The following HRAS variants were observed in gnomAD, a reference collection of about 807,000 sequenced individuals.
HRAS encodes the protein HRas proto-oncogene, GTPase, also known as GTPase HRas.
Under a neutral mutation model 19.8 loss-of-function variants are expected in HRAS, and 11 were observed. The ratio of observed to expected loss-of-function variants is 0.55; its 90% CI spans 0.35 to 0.92. The LOEUF (loss-of-function observed/expected upper bound fraction) is 0.92. Ranked by LOEUF, HRAS falls within the 40% of genes least tolerant of loss-of-function variation. HRAS has a pLI of 0.01. For missense variants in HRAS, 204 were observed against 255.9 expected (o/e 0.80, Z 1.38); for synonymous variants, 149 against 105.5 (o/e 1.41, Z -2.52).
intron 2 of HRAS, 111 bp from the exon 3 acceptor site, chr11:534,055 G>C: frequency 1.5e-6 from 2 of 1,314,562 alleles, no homozygotes; most frequent in Non-Finnish European, 2.2e-6. Context: ...TCCTCTCCTG[G>C]GGTGCTGAGA....
chr11:533,260 C>G, intron 4 of HRAS, 193 bp downstream of exon 4: 1 of 1,564,220 alleles, frequency 6.4e-7, no homozygotes, highest in Non-Finnish European at 8.6e-7. Flanking sequence ...ACTGCCCTGC[C>G]GTCCCGGGAG....
chr11:534,816 T>C (rs1401099842), intron 1 of HRAS, among the ~76,000 whole-genome samples: 1 of 152,072 alleles, frequency 6.6e-6, no homozygotes, highest in African/African-American at 2.4e-5. Context: ...CGACAAGTAT[T>C]TGCTGAGCGC....
chr11:535,092 G>GCCT (rs1851386647), intron 1 of HRAS, among the ~76,000 whole-genome samples: 1 of 151,920 alleles, frequency 6.6e-6, no homozygotes, highest in Non-Finnish European at 1.5e-5. Flanking sequence ...GGCCGCGGCC[G>GCCT]CCTCCTCCCA....
At chr11:534,825 G>A (rs944788608) in intron 1 of HRAS, among the ~76,000 whole-genome samples, 2 of 152,200 alleles carry the variant, frequency 1.3e-5, no homozygotes, top group African/African-American at 2.4e-5. Flanking sequence ...TTTGCTGAGC[G>A]CCTACTGCGT....
At position 534,807 on chromosome 11, in the gene HRAS, G is replaced by A. The variant is rs1328552336; in HGVS notation, c.-53-432C>T. ...CAGGCCCCGCGGCGCTGGTGCCTCC[G>A]ACAAGTATTTGCTGAGCGCCTACTG... On this transcript the variant is annotated intron_variant, in intron 1 of 5. Coordinates refer to ENST00000311189, the MANE Select transcript of HRAS (RefSeq NM_005343.4). Among the ~76,000 whole-genome samples the A allele has an allele frequency of 2.6e-5, 4 of 152,148 alleles. 1 individual carries two copies. In the South Asian group the frequency reaches 6.2e-4, roughly 24 times the overall value.
chr11:535,401 C>G lies in HRAS; in HGVS notation c.-54+15G>C, dbSNP rs959484632. On this transcript the variant is annotated intron_variant, in intron 1 of 5. Transcript: ENST00000311189. Reference sequence around the variant, plus strand: ...AGGAGGGCGCGCGGCCCGGCCGATCCCTGCCCGCACTCACCGTTCACAGGC... The same window carrying G: ...AGGAGGGCGCGCGGCCCGGCCGATCGCTGCCCGCACTCACCGTTCACAGGC... The G allele has an allele frequency of 2.0e-5, 3 of 147,020 alleles. No homozygotes were observed. The highest frequency in any genetic ancestry group is 7.3e-5 in the African/African-American group (3 of 40,848). 9.1% of individuals were successfully genotyped at this position (147,020 alleles called of 1,614,324 possible).
At chr11:534,041 C>A in intron 2 of HRAS, 97 bp from the exon 3 acceptor site, 1 of 1,367,900 alleles carries the variant, frequency 7.3e-7, no homozygotes, top group Non-Finnish European at 1.0e-6. Flanking sequence ...CCCCTCATGC[C>A]CCCTCCTCTC....
Position 535,542 on chromosome 11 carries a change from C to G in HRAS, c.-180G>C, listed in dbSNP as rs1459806729. On this transcript the variant is annotated 5_prime_UTR_variant, in exon 1 of 6. Transcript: ENST00000311189. ...CGGCGGGTGCGGCTCGGGTTGCGGG[C>G]GCAGGGCACGGGCGGCGGAGACTCG... The G allele has an allele frequency of 6.7e-6, 1 of 148,362 alleles. No individual in the cohort carries two copies. Among genetic ancestry groups the G allele is most frequent in the Non-Finnish European group, 1.5e-5 (1 of 66,258 alleles). The allele number at this position is 148,362 out of a possible 1,614,324, so 9.2% of individuals were successfully genotyped here.
chr11:533,216 G>A, intron 4 of HRAS: 3 of 1,407,992 alleles, frequency 2.1e-6, no homozygotes, highest in South Asian at 2.5e-5. Context: ...AGGACTGCAG[G>A]GCGTGAGCCC....
chr11:532,247 ACCAT>A lies in HRAS; in HGVS notation c.*277_*280del. On this transcript the variant is annotated 3_prime_UTR_variant, in exon 6 of 6. Transcript: ENST00000311189. ...CCCTCAGCCGAAAACCAAGATCAAG[ACCAT>A]CCAATAATTTACTGTGATCCCATCT... 2.4e-6 allele frequency: 1 copy of A among 408,502 alleles called. No homozygotes were observed. The highest frequency in any genetic ancestry group is 2.7e-5 in the South Asian group (1 of 36,628). The allele number at this position is 408,502 out of a possible 1,614,324, so 25.3% of individuals were successfully genotyped here. A position where few individuals can be genotyped will look rare whatever the true frequency, so the allele number is the denominator to read the frequency against.
chr11:533,915 A>G lies in HRAS; in HGVS notation c.141T>C (p.Asp47=), dbSNP rs765092617. The change falls in exon 3 of 6, where the codon GAT becomes GAC. Residue 47 remains aspartate (D), a synonymous_variant. Transcript: ENST00000311189. Reference sequence around the variant, plus strand: ...GGATGTCCAACAGGCACGTCTCCCCATCAATGACCACCTGCTTCCGGTAGG... The same window carrying G: ...GGATGTCCAACAGGCACGTCTCCCCGTCAATGACCACCTGCTTCCGGTAGG... ...EDSYRKQVVI[D]GETCLLDILD... 8.1e-6 allele frequency: 13 copies of G among 1,612,714 alleles called. No homozygotes were observed. The highest frequency in any genetic ancestry group is 1.1e-5 in the Non-Finnish European group (13 of 1,179,980).
chr11:532,492 G>A lies in HRAS; in HGVS notation c.*36C>T. 5 of 1,124,546 alleles carry A rather than the reference G, an allele frequency of 4.4e-6. No homozygotes were observed. In the South Asian group the frequency reaches 7.2e-5, roughly 16 times the overall value. The allele number at this position is 1,124,546 out of a possible 1,614,324, so 69.7% of individuals were successfully genotyped here. ...CTCCTTCCGTCTGCACCTCCTTCCT[G>A]CATCCGGCACCTCCATGTCCTGAGC... On this transcript the variant is annotated 3_prime_UTR_variant, in exon 6 of 6. Transcript: ENST00000311189.
chr11:534,054 G>C, intron 2 of HRAS, 110 bp from the exon 3 acceptor site: 2 of 1,311,988 alleles, frequency 1.5e-6, no homozygotes, highest in Admixed American at 1.7e-5. Context: ...CTCCTCTCCT[G>C]GGGTGCTGAG....
chr11:532,940 GCATCATGCTA>G (rs1851195850), intron 4 of HRAS, among the ~76,000 whole-genome samples, 185 bp from the exon 5 acceptor site: 2 of 152,172 alleles, frequency 1.3e-5, no homozygotes, highest in Non-Finnish European at 2.9e-5. Context: ...AGGGCCACCC[GCATCATGCTA>G]CAGCAGCCCC....
intron 4 of HRAS, 105 bp downstream of exon 4, chr11:533,348 G>A (rs1344411725): frequency 6.2e-7 from 1 of 1,606,294 alleles, no homozygotes; most frequent in Non-Finnish European, 8.5e-7. Context: ...GCTAGAGCCA[G>A]AGCGGCTGCC....
At chr11:534,741 G>A (rs1386974506) in intron 1 of HRAS, among the ~76,000 whole-genome samples, 1 of 152,254 alleles carries the variant, frequency 6.6e-6, no homozygotes, top group Non-Finnish European at 1.5e-5. Flanking sequence ...GGCCACGGCG[G>A]AGCGCGCCAC....
intron 4 of HRAS, 32 bp from the exon 5 acceptor site, chr11:532,787 C>T (rs113344415): frequency 5.6e-6 from 9 of 1,607,408 alleles, no homozygotes; most frequent in African/African-American, 2.7e-5. Context: ...CAGGAGGGAC[C>T]GGCCTGTGGC....
Position 534,349 on chromosome 11 carries a change from G to T in HRAS, c.-27C>A, listed in dbSNP as rs899369364. On this transcript the variant is annotated 5_prime_UTR_variant, in exon 2 of 6. Coordinates refer to ENST00000311189, the MANE Select transcript of HRAS (RefSeq NM_005343.4). The stretch of plus-strand genomic sequence containing the variant: ...GCTCCTCAGGGGCCTGCGGCCCGGG[G>T]TCCTCCTACAGGGTCTCCTGCCCCA... The T allele has an allele frequency of 4.4e-6, 7 of 1,576,972 alleles. No individual in the cohort carries two copies. Among genetic ancestry groups the T allele is most frequent in the Non-Finnish European group, 6.1e-6 (7 of 1,153,438 alleles).
Position 532,840 on chromosome 11 carries a change from T to G in HRAS, c.451-85A>C, listed in dbSNP as rs1851190818. 1.2e-5 allele frequency: 17 copies of G among 1,407,000 alleles called. No individual in the cohort carries two copies. In the South Asian group the frequency reaches 1.6e-4, roughly 13 times the overall value. 87.2% of individuals were successfully genotyped at this position (1,407,000 alleles called of 1,614,324 possible). A position where few individuals can be genotyped will look rare whatever the true frequency, so the allele number is the denominator to read the frequency against. ...GGCTCCCTGCTGTGGGATCAAGCCT[T>G]GCCTGGCCCGAAGCTCCCGACTCCA... On this transcript the variant is annotated intron_variant, in intron 4 of 5. Coordinates refer to ENST00000311189, the MANE Select transcript of HRAS (RefSeq NM_005343.4).
Sources: gnomAD v4.1 joint callset for allele counts (sites outside exome capture counted in the v4.1 genomes callset) on GRCh38, gnomAD v4.1.1 for gene constraint, MANE v1.5 for transcripts, NCBI Gene and HGNC (gene_info 2026-07-23, HGNC 2026-07-21) for gene names.